The following ABCA6 variants were observed in gnomAD, a reference collection of about 807,000 sequenced individuals.
ABCA6 encodes the protein ATP-binding cassette sub-family A member 6.
Under a neutral mutation model 191.2 loss-of-function variants are expected in ABCA6, and 164 were observed. The ratio of observed to expected loss-of-function variants is 0.86; its 90% CI spans 0.76 to 0.98. ABCA6 has a LOEUF of 0.98. Among genes scored for constraint, ABCA6 ranks in the 50% least tolerant of loss-of-function variants. ABCA6 has a pLI of 0.00. For synonymous variants in ABCA6, 636 were observed against 647.7 expected (o/e 0.98, Z 0.27); for missense variants, 1,958 against 1,894.1 (o/e 1.03, Z -0.63).
At chr17:69,115,647 C>T (rs2073524408) in intron 11 of ABCA6, 161 bp from the exon 12 acceptor site, 2 of 468,780 alleles carry the variant, frequency 4.3e-6, no homozygotes, top group Admixed American at 3.7e-5. Context: ...TCCTAATTGC[C>T]AAAATAATAT....
chr17:69,111,537 T>C (rs2073421921), intron 16 of ABCA6: 1 of 152,366 alleles, frequency 6.6e-6, no homozygotes, highest in Non-Finnish European at 1.5e-5. Context: ...GATGGTTTTA[T>C]AAGGGGCTTT....
chr17:69,085,542 A>T, intron 31 of ABCA6, 83 bp downstream of exon 31: 1 of 848,658 alleles, frequency 1.2e-6, no homozygotes, highest in Non-Finnish European at 1.7e-6. Context: ...AAAAGAAAAG[A>T]AAAATAGTAT....
chr17:69,134,520 T>C, intron 5 of ABCA6, 119 bp downstream of exon 5: 1 of 705,262 alleles, frequency 1.4e-6, no homozygotes, highest in Non-Finnish European at 2.4e-6. Context: ...AATTACCCAA[T>C]CTCAAGTATT....
At chr17:69,088,658 A>G (rs1262292827) in intron 27 of ABCA6, among the ~76,000 whole-genome samples, 3 of 152,102 alleles carry the variant, frequency 2.0e-5, no homozygotes, top group Admixed American at 6.6e-5. Context: ...CTACTTTTTT[A>G]ATACATAAGC....
At chr17:69,118,993 A>C (rs908631707) in intron 10 of ABCA6, among the ~76,000 whole-genome samples, 3 of 151,998 alleles carry the variant, frequency 2.0e-5, no homozygotes, top group Non-Finnish European at 2.9e-5. Flanking sequence ...TTGTGAATAC[A>C]CATTAGAATT....
intron 17 of ABCA6, chr17:69,109,008 C>A (rs1224244242): frequency 6.6e-6 from 1 of 152,148 alleles, no homozygotes; most frequent in Non-Finnish European, 1.5e-5. Context: ...AGTCCAAGAA[C>A]AAAATAACAT....
chr17:69,134,899 T>TTTTTTTTTTTTGG (rs1568037249), intron 4 of ABCA6, among the ~76,000 whole-genome samples, 157 bp from the exon 5 acceptor site: 1 of 147,996 alleles, frequency 6.8e-6, no homozygotes, highest in Non-Finnish European at 1.5e-5. Flanking sequence ...TTTTTTTTTT[T>TTTTTTTTTTTTGG]GGAGATGAAG....
At chr17:69,122,242 C>A (rs777982941) in intron 10 of ABCA6, among the ~76,000 whole-genome samples, 1 of 151,970 alleles carries the variant, frequency 6.6e-6, no homozygotes, top group African/African-American at 2.4e-5. Flanking sequence ...GCTTTTTGTG[C>A]GAATTATGTG....
intron 25 of ABCA6, 139 bp downstream of exon 25, chr17:69,096,101 C>T (rs1242424739): frequency 8.1e-6 from 3 of 368,550 alleles, no homozygotes; most frequent in African/African-American, 4.2e-5. Flanking sequence ...AACAGTGTTA[C>T]ACTTCCCTCT....
rs987135420 is a variant in ABCA6, at chr17:69,113,278, G to T, written c.1985C>A (p.Ala662Glu). ...GGTACTGAAAAGGATCACATGATCT[G>T]CTCTACGCTCTCTCAGGAGGCTCCA... ...QVWSLLRERR[A>E]DHVILFSTQS... is the part of the protein sequence containing the mutation. Residue 662 changes from alanine to glutamate, a missense_variant, in exon 15 of 39, where the codon GCA (alanine) becomes GAA (glutamate). By Grantham distance (107) the Ala-to-Glu change is moderately radical. Coordinates refer to ENST00000284425, the MANE Select transcript of ABCA6 (RefSeq NM_080284.3). The T allele has an allele frequency of 6.2e-7, 1 of 1,603,228 alleles. No individual in the cohort carries two copies. Among genetic ancestry groups the T allele is most frequent in the Non-Finnish European group, 8.5e-7 (1 of 1,177,274 alleles).
intron 15 of ABCA6, 57 bp from the exon 16 acceptor site, chr17:69,112,330 G>C: frequency 7.2e-7 from 1 of 1,382,736 alleles, no homozygotes; most frequent in African/African-American, 1.4e-5. Context: ...TCTTTCTCTA[G>C]TAAAGAAAGA....
chr17:69,119,930 A>G (rs1872975853), intron 10 of ABCA6, among the ~76,000 whole-genome samples: 1 of 152,110 alleles, frequency 6.6e-6, no homozygotes, highest in South Asian at 2.1e-4. Context: ...TATAAAAATT[A>G]AAATCAATGC....
intron 8 of ABCA6, among the ~76,000 whole-genome samples, chr17:69,125,595 A>G (rs1265256813): frequency 6.6e-6 from 1 of 152,126 alleles, no homozygotes; most frequent in African/African-American, 2.4e-5. Context: ...CACTTTACAT[A>G]TGATAAAACT....
chr17:69,099,737 A>C (rs578206372), intron 22 of ABCA6: 10 of 154,200 alleles, frequency 6.5e-5, no homozygotes, highest in Admixed American at 2.0e-4. Flanking sequence ...TGTGCAGCAG[A>C]CCTGTTTACG....
At position 69,105,537 on chromosome 17, in the gene ABCA6, T is replaced by C; in HGVS notation, c.2665A>G (p.Asn889Asp). 5 of 1,608,322 alleles carry C rather than the reference T, an allele frequency of 3.1e-6. No homozygotes were observed. The highest frequency in any genetic ancestry group is 4.2e-6 in the Non-Finnish European group (5 of 1,176,472). ...CCAGGAGAGAGAAAATACAATTCGT[T>C]TTTAAATTCCCAATCGATCTTTTCA... ...LNEKIDWEFK[N>D]ELYFLSPGQL... The change falls in exon 20 of 39, where the codon AAC becomes GAC. Residue 889 changes from asparagine (N) to aspartate (D), a missense_variant. Coordinates refer to ENST00000284425, the MANE Select transcript of ABCA6 (RefSeq NM_080284.3).
At chr17:69,139,760 T>G (rs1403885874) in intron 2 of ABCA6, among the ~76,000 whole-genome samples, 2 of 152,032 alleles carry the variant, frequency 1.3e-5, no homozygotes, top group Non-Finnish European at 2.9e-5. Context: ...TGGAATACTA[T>G]GCAGCCATAA....
chr17:69,097,878 TTGAAATTCC>T (rs762675904), intron 23 of ABCA6, 33 bp downstream of exon 23: 119 of 1,431,464 alleles, frequency 8.3e-5, no homozygotes, highest in Middle Eastern at 3.6e-4. Context: ...AATACAGATA[TTGAAATTCC>T]TGAAATTTCT....
chr17:69,138,376 TCCTTCACGTC>T (rs1309254230), intron 2 of ABCA6, among the ~76,000 whole-genome samples: 1 of 152,164 alleles, frequency 6.6e-6, no homozygotes, highest in East Asian at 1.9e-4. Context: ...CTTGAAGAGG[TCCTTCACGTC>T]CCTTGTAAGT....
At chr17:69,141,408 A>C (rs2074022657) in intron 1 of ABCA6, among the ~76,000 whole-genome samples, 1 of 152,090 alleles carries the variant, frequency 6.6e-6, no homozygotes, top group South Asian at 2.1e-4. Context: ...AGCAAAAATA[A>C]ATCACACGGG....
Sources: gnomAD v4.1 joint callset for allele counts (sites outside exome capture counted in the v4.1 genomes callset) on GRCh38, gnomAD v4.1.1 for gene constraint, MANE v1.5 for transcripts, NCBI Gene and HGNC (gene_info 2026-07-23, HGNC 2026-07-21) for gene names.